NKAIN3: variants seen among roughly 807,000 people sequenced by gnomAD.
The protein encoded by NKAIN3 is sodium/potassium-transporting ATPase subunit beta-1-interacting protein 3.
NKAIN3 carries 25 observed loss-of-function variants against 30.2 expected under a neutral mutation model. The observed-to-expected ratio is 0.83, with a 90% CI of 0.60 to 1.16. The LOEUF (loss-of-function observed/expected upper bound fraction) is 1.16, where lower values mean the gene tolerates loss of function less well. NKAIN3 is among the 50% of genes most tolerant of loss of function. The pLI, the probability that NKAIN3 is intolerant of heterozygous loss-of-function variation, is 0.00. For missense variants in NKAIN3, 225 were observed against 254.1 expected, an observed-to-expected ratio of 0.89 and a Z score of 0.78; for synonymous variants, 91 against 89.6, an observed-to-expected ratio of 1.02 and a Z score of -0.09.
chr8:62,374,380 A>T (rs1166357968), intron 1 of NKAIN3, among the ~76,000 whole-genome samples: 1 of 152,208 alleles, frequency 6.6e-6, no homozygotes, highest in East Asian at 1.9e-4. Flanking sequence ...GCCTAACTCT[A>T]GTTAGCATAA....
chr8:62,498,653 G>A (rs990000912), intron 1 of NKAIN3, among the ~76,000 whole-genome samples: 1 of 151,756 alleles, frequency 6.6e-6, no homozygotes, highest in African/African-American at 2.4e-5. Flanking sequence ...CAGAGGTACT[G>A]AATACATGCT....
chr8:62,361,538 A>G (rs1227975673), intron 1 of NKAIN3, among the ~76,000 whole-genome samples: 1 of 152,240 alleles, frequency 6.6e-6, no homozygotes, highest in Non-Finnish European at 1.5e-5. Context: ...CTTTATAAAC[A>G]TAGTCTACAT....
At chr8:62,620,339 C>T (rs1811585047) in intron 3 of NKAIN3, among the ~76,000 whole-genome samples, 1 of 152,090 alleles carries the variant, frequency 6.6e-6, no homozygotes, top group Non-Finnish European at 1.5e-5. Context: ...TTATGACCTA[C>T]TTAAAGTGAT....
intron 3 of NKAIN3, among the ~76,000 whole-genome samples, chr8:62,687,869 TCTGATTGCTGTTCTGTAG>T (rs1813846714): frequency 6.6e-6 from 1 of 152,240 alleles, no homozygotes; most frequent in Non-Finnish European, 1.5e-5. Flanking sequence ...GCAAGCTTTC[TCTGATTGCTGTTCTGTAG>T]ATTCTTCTCC....
intron 4 of NKAIN3, among the ~76,000 whole-genome samples, chr8:62,849,820 T>A (rs1819826368): frequency 6.6e-6 from 1 of 152,098 alleles, no homozygotes; most frequent in Non-Finnish European, 1.5e-5. Flanking sequence ...TTCCATGGTG[T>A]ATATGTGCCA....
At chr8:62,360,828 G>C (rs1816535672) in intron 1 of NKAIN3, among the ~76,000 whole-genome samples, 1 of 152,028 alleles carries the variant, frequency 6.6e-6, no homozygotes, top group African/African-American at 2.4e-5. Flanking sequence ...TATATATTTA[G>C]GGTAGTTAGC....
chr8:62,709,821 GT>G (rs1563526355), intron 3 of NKAIN3, among the ~76,000 whole-genome samples: 1 of 151,914 alleles, frequency 6.6e-6, no homozygotes, highest in Admixed American at 6.6e-5. Context: ...TGGAACGTTA[GT>G]TTTTGCTCTT....
At chr8:62,923,633 G>C (rs921037577) in intron 5 of NKAIN3, among the ~76,000 whole-genome samples, 1 of 152,128 alleles carries the variant, frequency 6.6e-6, no homozygotes, top group Admixed American at 6.5e-5. Context: ...TAAACTCCTG[G>C]ACAAGACACT....
intron 1 of NKAIN3, among the ~76,000 whole-genome samples, chr8:62,271,870 T>C (rs947853711): frequency 1.3e-5 from 2 of 152,180 alleles, no homozygotes; most frequent in Non-Finnish European, 2.9e-5. Flanking sequence ...AGATGTGTTA[T>C]GAGCTGGAAG....
chr8:62,525,729 A>G (rs1808285414), intron 1 of NKAIN3, among the ~76,000 whole-genome samples: 2 of 152,150 alleles, frequency 1.3e-5, no homozygotes, highest in South Asian at 4.1e-4. Flanking sequence ...ATGGTAACTG[A>G]AAAACAACCC....
chr8:62,802,571 T>C (rs1489608969), intron 4 of NKAIN3, among the ~76,000 whole-genome samples: 3 of 152,160 alleles, frequency 2.0e-5, no homozygotes, highest in African/African-American at 7.2e-5. Context: ...TGTGGAGAGA[T>C]TTTGTCACCA....
intron 4 of NKAIN3, among the ~76,000 whole-genome samples, chr8:62,878,509 TTTA>T (rs77965849): frequency 6.0e-5 from 9 of 151,050 alleles, no homozygotes; most frequent in East Asian, 3.9e-4. Flanking sequence ...TTGTTGTGTT[TTTA>T]TTATTATTAT....
intron 1 of NKAIN3, among the ~76,000 whole-genome samples, chr8:62,387,464 T>C (rs919419453): frequency 1.3e-5 from 2 of 152,172 alleles, no homozygotes; most frequent in Non-Finnish European, 2.9e-5. Flanking sequence ...TGAACGGCCA[T>C]GTGAAGCAAG....
chr8:62,744,460 G>A (rs1358368046), intron 3 of NKAIN3, among the ~76,000 whole-genome samples: 1 of 152,084 alleles, frequency 6.6e-6, no homozygotes, highest in Admixed American at 6.6e-5. Context: ...ATAAATTTTA[G>A]TTAAAGTCAT....
intron 4 of NKAIN3, chr8:62,857,028 G>A (rs1049453865): frequency 2.0e-6 from 1 of 510,048 alleles, no homozygotes; most frequent in African/African-American, 2.0e-5. Flanking sequence ...TTCTCTTCTT[G>A]TTCTTCTTTG....
chr8:62,495,566 A>T (rs115818249), intron 1 of NKAIN3, among the ~76,000 whole-genome samples: 3,245 of 147,774 alleles, frequency 0.022, 121 homozygotes, highest in African/African-American at 0.076. Context: ...TATATATATT[A>T]TATAAATATA....
intron 1 of NKAIN3, among the ~76,000 whole-genome samples, chr8:62,382,482 A>G (rs1817307221): frequency 6.6e-6 from 1 of 152,098 alleles, no homozygotes; most frequent in Non-Finnish European, 1.5e-5. Flanking sequence ...ATACATGATA[A>G]TTTCTGTCTA....
At chr8:62,806,246 C>T (rs553374360) in intron 4 of NKAIN3, among the ~76,000 whole-genome samples, 65 of 152,252 alleles carry the variant, frequency 4.3e-4, no homozygotes, top group African/African-American at 1.5e-3. Context: ...GTCAGTGTGG[C>T]GATTCCTCAG....
intron 1 of NKAIN3, among the ~76,000 whole-genome samples, chr8:62,399,462 G>T (rs1014035485): frequency 9.9e-5 from 15 of 152,236 alleles, no homozygotes; most frequent in Admixed American, 7.8e-4. Context: ...CCAAGATCGC[G>T]CCACTGCTCT....
Sources: allele counts gnomAD v4.1 joint callset (sites outside exome capture counted in the v4.1 genomes callset), GRCh38; gene constraint gnomAD v4.1.1; transcripts MANE v1.5; gene names NCBI Gene and HGNC (gene_info 2026-07-23, HGNC 2026-07-21).